Variants in ARHGEF28 observed in about 807,000 individuals in gnomAD.
ARHGEF28 encodes 190 kDa guanine nucleotide exchange factor.
ARHGEF28 carries 152 observed loss-of-function variants against 206.6 expected under a neutral mutation model. The ratio of observed to expected loss-of-function variants is 0.74; its 90% CI spans 0.64 to 0.84. The LOEUF is 0.84. Ranked by LOEUF, ARHGEF28 falls within the 40% of genes least tolerant of loss-of-function variation. The pLI is 0.00. For synonymous variants in ARHGEF28, 763 were observed against 776.4 expected, an observed-to-expected ratio of 0.98 and a Z score of 0.29; for missense variants, 2,028 against 2,073.2, an observed-to-expected ratio of 0.98 and a Z score of 0.42.
At chr5:73,807,524 G>A (rs934781842) in intron 9 of ARHGEF28, among the ~76,000 whole-genome samples, 3 of 140,434 alleles carry the variant, frequency 2.1e-5, no homozygotes, top group African/African-American at 8.1e-5. Context: ...CACTCTTCTT[G>A]CCCAGGCTGG....
chr5:73,641,570 T>C (rs1209408924), intron 1 of ARHGEF28, among the ~76,000 whole-genome samples: 4 of 152,184 alleles, frequency 2.6e-5, no homozygotes, highest in African/African-American at 9.7e-5. Context: ...TTGAGAAGGA[T>C]ATGGCTTTTT....
At chr5:73,823,169 T>G (rs1756699554) in intron 9 of ARHGEF28, among the ~76,000 whole-genome samples, 1 of 152,222 alleles carries the variant, frequency 6.6e-6, no homozygotes, top group African/African-American at 2.4e-5. Flanking sequence ...GGCCTTAGCT[T>G]TCTTGTCTAC....
At chr5:73,686,784 A>T (rs1747504842) in intron 2 of ARHGEF28, among the ~76,000 whole-genome samples, 1 of 152,076 alleles carries the variant, frequency 6.6e-6, no homozygotes, top group African/African-American at 2.4e-5. Flanking sequence ...GGCCTCCCAC[A>T]GTGCTGGGAT....
intron 35 of ARHGEF28, among the ~76,000 whole-genome samples, chr5:73,936,441 G>A (rs756416288): frequency 2.6e-5 from 4 of 152,230 alleles, no homozygotes; most frequent in East Asian, 3.9e-4. Context: ...TCATACCTGC[G>A]TCAGATAATG....
intron 9 of ARHGEF28, among the ~76,000 whole-genome samples, chr5:73,826,820 A>G (rs1160565138): frequency 6.6e-6 from 1 of 152,194 alleles, no homozygotes; most frequent in Admixed American, 6.5e-5. Flanking sequence ...TAGAGCATTT[A>G]GTACAGGAAG....
chr5:73,675,316 G>C (rs1036578896), intron 1 of ARHGEF28, among the ~76,000 whole-genome samples: 1 of 152,080 alleles, frequency 6.6e-6, no homozygotes, highest in African/African-American at 2.4e-5. Context: ...TTTTTCTACT[G>C]AGTGGGTCAC....
intron 35 of ARHGEF28, among the ~76,000 whole-genome samples, chr5:73,933,352 A>G (rs541859300): frequency 6.6e-6 from 1 of 152,234 alleles, no homozygotes. Flanking sequence ...TATAAGCTCA[A>G]ATGAACCTTA....
intron 10 of ARHGEF28, among the ~76,000 whole-genome samples, chr5:73,833,297 T>C (rs1368799588): frequency 1.3e-5 from 2 of 152,186 alleles, no homozygotes; most frequent in Non-Finnish European, 2.9e-5. Flanking sequence ...TTTAACCCTT[T>C]TATGTTGTTA....
At chr5:73,843,528 A>T (rs561189531) in intron 11 of ARHGEF28, among the ~76,000 whole-genome samples, 3 of 152,336 alleles carry the variant, frequency 2.0e-5, no homozygotes, top group East Asian at 1.9e-4. Context: ...AAATGCACTT[A>T]ATTTGTTAAT....
At chr5:73,771,421 A>G (rs1481710014) in intron 4 of ARHGEF28, among the ~76,000 whole-genome samples, 2 of 151,922 alleles carry the variant, frequency 1.3e-5, no homozygotes, top group African/African-American at 4.8e-5. Context: ...GATGGCGCGC[A>G]CCTGTAATCC....
Position 73,886,049 on chromosome 5 carries a change from G to C in ARHGEF28, c.3255G>C (p.Arg1085Ser), listed in dbSNP as rs572905410. ...FRKQALMSEE[R>S]TLLYDGLVYW... ...AGCAGGCACTGATGAGTGAAGAAAG[G>C]ACTCTGTTATATGATGGCCTTGTTT... The change falls in exon 25 of 36, where the codon AGG (arginine) becomes AGC (serine). Residue 1085 changes from arginine (R) to serine (S), a missense_variant. This residue lies in a region of ARHGEF28 where 803 missense variants were observed against 768.0 expected (regional missense o/e 1.05). Transcript: ENST00000513042. 8 of 1,613,930 alleles carry C rather than the reference G, an allele frequency of 5.0e-6. No homozygotes were observed. Among genetic ancestry groups the C allele is most frequent in the Non-Finnish European group, 6.8e-6 (8 of 1,179,864 alleles).
At chr5:73,800,726 C>A (rs191148536) in intron 9 of ARHGEF28, among the ~76,000 whole-genome samples, 1 of 152,272 alleles carries the variant, frequency 6.6e-6, no homozygotes, top group African/African-American at 2.4e-5. Flanking sequence ...ATATGAGGTT[C>A]AGATTTCTTT....
chr5:73,886,190 A>AGAATTGCAGGCACACATGCGCAAACCCT, intron 25 of ARHGEF28, 86 bp downstream of exon 25: 1 of 1,484,334 alleles, frequency 6.7e-7, no homozygotes, highest in Non-Finnish European at 9.0e-7. Context: ...AAAACAGTTC[A>AGAATTGCAGGCACACATGCGCAAACCCT]GAATTGCAGG....
intron 1 of ARHGEF28, among the ~76,000 whole-genome samples, chr5:73,657,884 C>T (rs1478714854): frequency 1.3e-5 from 2 of 152,206 alleles, no homozygotes; most frequent in Admixed American, 1.3e-4. Context: ...GTCTCCCCTT[C>T]CCTCAGTAGC....
rs769700537 is a variant in ARHGEF28 at position 73,865,971 on chromosome 5, CA to C, written c.2112del (p.Glu705ArgfsTer102). On this transcript the variant is annotated frameshift_variant, in exon 18 of 36. Transcript: ENST00000513042. LOFTEE classifies it high-confidence loss of function. ...TTCTAATATTCTTTACCAGAAATTCCAAGAGAAATATAACAAGAACAAACCA... is the reference window on the plus strand; with the variant it reads ...TTCTAATATTCTTTACCAGAAATTCCAGAGAAATATAACAAGAACAAACCA... ...DAAPACTKKF[Q>X]EKYNKNKPQT... 1.3e-6 allele frequency: 2 copies of C among 1,596,750 alleles called. No individual in the cohort carries two copies. The highest frequency in any genetic ancestry group is 2.2e-5 in the South Asian group (2 of 89,266).
chr5:73,685,392 G>A (rs941899358), intron 2 of ARHGEF28, among the ~76,000 whole-genome samples: 2 of 152,118 alleles, frequency 1.3e-5, no homozygotes, highest in Admixed American at 1.3e-4. Context: ...GCCATTCTGA[G>A]AACAACTCCT....
At chr5:73,868,915 G>A (rs529261587) in intron 20 of ARHGEF28, among the ~76,000 whole-genome samples, 3 of 152,270 alleles carry the variant, frequency 2.0e-5, no homozygotes, top group South Asian at 4.1e-4. Flanking sequence ...CCAAAGTGCC[G>A]GGATTACAGG....
intron 31 of ARHGEF28, chr5:73,902,812 A>G (rs1035720425): frequency 6.6e-6 from 1 of 152,242 alleles, no homozygotes; most frequent in African/African-American, 2.4e-5. Context: ...GCTTTTGGGC[A>G]TAAGTAACCG....
intron 9 of ARHGEF28, among the ~76,000 whole-genome samples, chr5:73,810,572 T>C (rs1755783434): frequency 6.6e-6 from 1 of 152,032 alleles, no homozygotes; most frequent in South Asian, 2.1e-4. Context: ...ATCTACCTCC[T>C]AGTTGAGTGA....
Sources: allele counts gnomAD v4.1 joint callset (sites outside exome capture counted in the v4.1 genomes callset), GRCh38; gene constraint gnomAD v4.1.1; regional missense constraint gnomAD v4.1.1; transcripts MANE v1.5; gene names NCBI Gene and HGNC (gene_info 2026-07-23, HGNC 2026-07-21).